The following CNBD2 variants were observed in gnomAD, a reference collection of about 807,000 sequenced individuals.
CNBD2 encodes the protein cyclic nucleotide binding domain containing 2.
CNBD2 carries 64 observed loss-of-function variants against 63.7 expected under a neutral mutation model. That is an observed-to-expected ratio of 1.00 (90% CI 0.82 to 1.24). The LOEUF is 1.24. Among genes scored for constraint, CNBD2 ranks in the 50% most tolerant of loss-of-function variants. The probability of loss-of-function intolerance (pLI) is 0.00; values close to 1 mark genes in which losing one functional copy is unlikely to be tolerated. For synonymous variants in CNBD2, 229 were observed against 255.4 expected, an observed-to-expected ratio of 0.90 and a Z score of 0.99; for missense variants, 691 against 713.5, an observed-to-expected ratio of 0.97 and a Z score of 0.36.
chr20:35,981,873 C>T (rs1052908442), intron 4 of CNBD2, among the ~76,000 whole-genome samples: 2 of 152,146 alleles, frequency 1.3e-5, no homozygotes, highest in Non-Finnish European at 2.9e-5. Context: ...TGATCCCTTC[C>T]CTCAGGAGTT....
At chr20:35,996,262 T>C (rs1156637266) in intron 8 of CNBD2, among the ~76,000 whole-genome samples, 2 of 152,216 alleles carry the variant, frequency 1.3e-5, no homozygotes, top group African/African-American at 2.4e-5. Flanking sequence ...GGCTTCGTAT[T>C]ATGCCTGGCA....
At chr20:35,981,094 G>A (rs569235503) in intron 4 of CNBD2, among the ~76,000 whole-genome samples, 1 of 152,338 alleles carries the variant, frequency 6.6e-6, no homozygotes, top group African/African-American at 2.4e-5. Flanking sequence ...TTTCCCAAAG[G>A]AGAATCAGGG....
downstream of CNBD2, chr20:35,959,061 C>G (rs2056284953): frequency 6.6e-6 from 1 of 152,154 alleles, no homozygotes. Flanking sequence ...TGAGCTGTTA[C>G]AAATAGAACT....
At chr20:36,020,619 A>C (rs2057194855) in intron 10 of CNBD2, among the ~76,000 whole-genome samples, 1 of 152,190 alleles carries the variant, frequency 6.6e-6, no homozygotes, top group South Asian at 2.1e-4. Context: ...TCCTTTCCTG[A>C]ACCTCATTTT....
intron 7 of CNBD2, among the ~76,000 whole-genome samples, chr20:35,993,105 G>C (rs1011405049): frequency 6.6e-6 from 1 of 151,676 alleles, no homozygotes; most frequent in Non-Finnish European, 1.5e-5. Flanking sequence ...AGGAAACCGG[G>C]CTCATGTTGT....
Position 35,975,930 on chromosome 20 carries a change from C to T in CNBD2, c.190-19C>T. 6.2e-7 allele frequency: 1 copy of T among 1,610,736 alleles called. No individual in the cohort carries two copies. The highest frequency in any genetic ancestry group is 8.5e-7 in the Non-Finnish European group (1 of 1,177,146). On this transcript the variant is annotated intron_variant, in intron 2 of 11. Coordinates refer to ENST00000373973, the MANE Select transcript of CNBD2 (RefSeq NM_001365709.1). ...AGTCTTGCTGATTCTCCCTCTTCTCCCTGCCCTCTTTCTTTCAGAAAAAGA... is the reference window on the plus strand; with the variant it reads ...AGTCTTGCTGATTCTCCCTCTTCTCTCTGCCCTCTTTCTTTCAGAAAAAGA...
At chr20:35,972,161 A>G (rs2056428513) in intron 1 of CNBD2, among the ~76,000 whole-genome samples, 2 of 152,150 alleles carry the variant, frequency 1.3e-5, no homozygotes, top group African/African-American at 4.8e-5. Flanking sequence ...TCTAAAGGCC[A>G]CCCACATTCC....
At chr20:35,991,856 G>A (rs536234671) in intron 7 of CNBD2, among the ~76,000 whole-genome samples, 129 of 152,154 alleles carry the variant, frequency 8.5e-4, no homozygotes, top group African/African-American at 3.0e-3. Flanking sequence ...AGCACCAGCA[G>A]CACTTGGGAA....
At chr20:36,025,811 C>G (rs1342223778) in intron 11 of CNBD2, among the ~76,000 whole-genome samples, 1 of 151,908 alleles carries the variant, frequency 6.6e-6, no homozygotes, top group Non-Finnish European at 1.5e-5. Flanking sequence ...AGTGTTCAAG[C>G]ATGTACTCCC....
chr20:35,978,715 C>G (rs1275477008), intron 3 of CNBD2, among the ~76,000 whole-genome samples: 1 of 152,096 alleles, frequency 6.6e-6, no homozygotes, highest in Non-Finnish European at 1.5e-5. Flanking sequence ...TGGTTTCGAA[C>G]TCCTGGGCTC....
intron 7 of CNBD2, among the ~76,000 whole-genome samples, chr20:35,989,840 C>G (rs2056718338): frequency 8.2e-6 from 1 of 122,572 alleles, no homozygotes; most frequent in Non-Finnish European, 1.6e-5. Flanking sequence ...GACCCTATCT[C>G]TAAGAAAGAA....
intron 10 of CNBD2, among the ~76,000 whole-genome samples, chr20:36,011,493 T>C (rs2057061166): frequency 6.6e-6 from 1 of 152,110 alleles, no homozygotes; most frequent in South Asian, 2.1e-4. Flanking sequence ...GAGACCAGCC[T>C]GACCAACATG....
intron 2 of CNBD2, among the ~76,000 whole-genome samples, chr20:35,960,718 C>G (rs2056299927): frequency 4.5e-5 from 1 of 22,136 alleles, no homozygotes; most frequent in African/African-American, 4.3e-4. Context: ...CTTCCCTTCT[C>G]TTCCCTTCTC....
At chr20:36,012,803 CA>C (rs1336207774) in intron 10 of CNBD2, among the ~76,000 whole-genome samples, 1 of 79,262 alleles carries the variant, frequency 1.3e-5, no homozygotes, top group African/African-American at 5.6e-5. Flanking sequence ...GCCTGGGCAA[CA>C]AGAGTGAAAA....
chr20:36,027,212 G>A (rs961290590), intron 11 of CNBD2, among the ~76,000 whole-genome samples: 6 of 152,084 alleles, frequency 3.9e-5, no homozygotes, highest in Non-Finnish European at 7.3e-5. Context: ...CTTTACTTGC[G>A]GTGATATTGT....
intron 2 of CNBD2, among the ~76,000 whole-genome samples, chr20:35,960,578 G>A (rs1028595389): frequency 1.3e-4 from 20 of 152,096 alleles, no homozygotes; most frequent in African/African-American, 4.8e-4. Flanking sequence ...GCCTCAAACT[G>A]CTGGGCCCAA....
intron 10 of CNBD2, among the ~76,000 whole-genome samples, chr20:36,015,625 A>G (rs1248629732): frequency 6.6e-6 from 1 of 152,226 alleles, no homozygotes; most frequent in Non-Finnish European, 1.5e-5. Context: ...GAACTGCTTT[A>G]ATATGGGAGC....
rs138170697 is a variant in CNBD2 at position 35,993,829 on chromosome 20, A to G, written c.856-1209A>G. 8.0e-3 allele frequency among the ~76,000 whole-genome samples: 1,217 copies of G among 151,574 alleles called. 16 individuals are homozygous for G. Among genetic ancestry groups the G allele is most frequent in the African/African-American group, 0.028 (1,161 of 41,262 alleles). On this transcript the variant is annotated intron_variant, in intron 7 of 11. Transcript: ENST00000373973. Reference sequence around the variant, plus strand: ...ACAAAGAACTCCTGTAGCTGGAACTACAGGCATGCACCACCATGCCCAGCT... The same window carrying G: ...ACAAAGAACTCCTGTAGCTGGAACTGCAGGCATGCACCACCATGCCCAGCT...
chr20:35,985,876 G>C (rs1356162519), intron 6 of CNBD2, among the ~76,000 whole-genome samples: 1 of 152,182 alleles, frequency 6.6e-6, no homozygotes, highest in Non-Finnish European at 1.5e-5. Context: ...AGACCAGATA[G>C]ATCTGTCTTT....
Sources: gnomAD v4.1 joint callset for allele counts (sites outside exome capture counted in the v4.1 genomes callset) on GRCh38, gnomAD v4.1.1 for gene constraint, MANE v1.5 for transcripts, NCBI Gene and HGNC (gene_info 2026-07-23, HGNC 2026-07-21) for gene names.